NBPF11: variants seen among roughly 807,000 people sequenced by gnomAD.
NBPF11 encodes the protein NBPF member 11.
A neutral mutation model predicts 93.9 loss-of-function variants in NBPF11; 72 were observed. The observed-to-expected ratio is 0.77, with a 90% CI of 0.63 to 0.93. The LOEUF is 0.93. Ranked by LOEUF, NBPF11 falls within the 40% of genes least tolerant of loss-of-function variation. The probability of loss-of-function intolerance (pLI) is 0.00; values close to 1 mark genes in which losing one functional copy is unlikely to be tolerated. For missense variants in NBPF11, 705 were observed against 802.2 expected, an observed-to-expected ratio of 0.88 and a Z score of 1.46; for synonymous variants, 224 against 304.9, an observed-to-expected ratio of 0.73 and a Z score of 2.76.
Position 148,109,300 on chromosome 1 carries a change from C to T in NBPF11, c.1837G>A (p.Glu613Lys), listed in dbSNP as rs1164245502. 3.1e-6 allele frequency: 3 copies of T among 980,798 alleles called. No individual in the cohort carries two copies. In the African/African-American group the frequency reaches 4.9e-5, roughly 16 times the overall value. The allele number at this position is 980,798 out of a possible 1,614,324, so 60.8% of individuals were successfully genotyped here. A position where few individuals can be genotyped will look rare whatever the true frequency, so the allele number is the denominator to read the frequency against. ...CAGACTCACCTGGGACCTGTTGCCTCTTGGTCCTCCTTTTTCACTTGATCC... is the reference window on the plus strand; with the variant it reads ...CAGACTCACCTGGGACCTGTTGCCTTTTGGTCCTCCTTTTTCACTTGATCC... ...RWDQVKKEDQ[E>K]ATGPRLSREL... Residue 613 changes from glutamate (E) to lysine (K), a missense_variant, in exon 17 of 24, where the codon GAG becomes AAG. By Grantham distance (56) the Glu-to-Lys change is moderately conservative. Transcript: ENST00000682118.
intron 15 of NBPF11, among the ~76,000 whole-genome samples, chr1:148,112,163 T>A (rs1485624941): frequency 6.9e-6 from 1 of 145,136 alleles, no homozygotes; most frequent in Admixed American, 6.9e-5. Context: ...TATATATATA[T>A]ATTTTAATAC....
Position 148,110,425 on chromosome 1 carries a change from A to T in NBPF11, c.1754T>A (p.Phe585Tyr). ...LASYQSYSST[F>Y]HSLEEQQVCM... ...GACTTGCTGTTCCTCTAATGAGTGA[A>T]ATGTGCTGCTGTAAGACTGGTACGA... The change falls in exon 16 of 24, where the codon TTT (phenylalanine) becomes TAT (tyrosine). Residue 585 changes from phenylalanine (F) to tyrosine (Y), a missense_variant. Coordinates refer to ENST00000682118, the MANE Select transcript of NBPF11 (RefSeq NM_001385469.3). 1 of 1,593,408 alleles carries T rather than the reference A, an allele frequency of 6.3e-7. No homozygotes were observed. The highest frequency in any genetic ancestry group is 1.1e-5 in the South Asian group (1 of 90,610).
At position 148,121,492 on chromosome 1, in the gene NBPF11, C is replaced by T. The variant is rs200243109; in HGVS notation, c.778+563G>A. ...CCTCCTGAGTAGCTGGGACTACAGG[C>T]GCCCACCACCGCGCCCAGCTAATTT... On this transcript the variant is annotated intron_variant, in intron 9 of 23. Transcript: ENST00000682118. Among the ~76,000 whole-genome samples, 77 of 151,286 alleles carry T rather than the reference C, an allele frequency of 5.1e-4. No homozygotes were observed. The Middle Eastern group carries it at 0.01, about 20-fold the overall frequency.
chr1:148,103,749 C>A lies in NBPF11; in HGVS notation c.*147G>T, dbSNP rs1274382668. 10 of 1,611,650 alleles carry A rather than the reference C, an allele frequency of 6.2e-6. No individual in the cohort carries two copies. The highest frequency in any genetic ancestry group is 1.1e-5 in the South Asian group (1 of 90,986). ...AAAGTAAAAAACCTATTGTCCATGT[C>A]AAGGGCAAAGCTGATGTGCTGTTCC... On this transcript the variant is annotated 3_prime_UTR_variant, in exon 24 of 24. Coordinates refer to ENST00000682118, the MANE Select transcript of NBPF11 (RefSeq NM_001385469.3).
At chr1:148,114,988 A>G (rs2149206890) in intron 14 of NBPF11, among the ~76,000 whole-genome samples, 1 of 147,654 alleles carries the variant, frequency 6.8e-6, no homozygotes. Context: ...AATATGGGGA[A>G]ACCCTGTCTC....
intron 15 of NBPF11, among the ~76,000 whole-genome samples, chr1:148,112,013 T>C (rs1665400728): frequency 6.7e-6 from 1 of 148,402 alleles, no homozygotes; most frequent in Non-Finnish European, 1.5e-5. Context: ...AAAGGTCGGA[T>C]TACCCACAAA....
intron 2 of NBPF11, among the ~76,000 whole-genome samples, chr1:148,140,362 T>A (rs1204915403): frequency 4.0e-5 from 6 of 151,722 alleles, no homozygotes; most frequent in Non-Finnish European, 8.8e-5. Flanking sequence ...CTGGGTTCAA[T>A]GATGGCTTCT....
Position 148,122,117 on chromosome 1 carries a change from G to C in NBPF11, c.716C>G (p.Ser239Cys). Reference protein sequence around the residue: ...ITFEEDKVNSSLVVDRESSHD... With the variant: ...ITFEEDKVNSCLVVDRESSHD... ...AGAGGATTCTCTGTCTACAACCAGA[G>C]ATGAGTTGACTTTGTCTTCCTCAAA... Residue 239 changes from serine (S) to cysteine (C), a missense_variant, in exon 9 of 24, where the codon TCT becomes TGT. Ser to Cys is a moderately radical substitution (Grantham distance 112). Transcript: ENST00000682118. The C allele has an allele frequency of 6.2e-7, 1 of 1,613,510 alleles. No homozygotes were observed. The highest frequency in any genetic ancestry group is 8.5e-7 in the Non-Finnish European group (1 of 1,179,606).
In NBPF11 at chr1:148,145,815, G is replaced by T. The variant is rs1672904301; in HGVS notation, c.-548-2129C>A. Among the ~76,000 whole-genome samples, 2 of 151,114 alleles carry T rather than the reference G, an allele frequency of 1.3e-5. 1 individual carries two copies. The highest frequency in any genetic ancestry group is 1.3e-4 in the Admixed American group (2 of 15,226). Reference sequence around the variant, plus strand: ...CATCACCTGAGCCTTGGGAGGTCGAGGTTGCACTAAGCTGTGATTGTACCA... The same window carrying T: ...CATCACCTGAGCCTTGGGAGGTCGATGTTGCACTAAGCTGTGATTGTACCA... On this transcript the variant is annotated intron_variant, in intron 1 of 23. Transcript: ENST00000682118.
intron 2 of NBPF11, among the ~76,000 whole-genome samples, chr1:148,141,570 C>T (rs1427550486): frequency 1.3e-5 from 2 of 151,948 alleles, no homozygotes; most frequent in African/African-American, 4.9e-5. Flanking sequence ...AGTGCACCAA[C>T]CTGGAGTCAG....
At chr1:148,111,776 A>T (rs1179542257) in intron 15 of NBPF11, among the ~76,000 whole-genome samples, 18 of 151,756 alleles carry the variant, frequency 1.2e-4, no homozygotes, top group Admixed American at 1.0e-3. Context: ...TCTACGTTTG[A>T]TTGGTGTACT....
intron 17 of NBPF11, 61 bp from the exon 18 acceptor site, chr1:148,108,715 G>T (rs1433005458): frequency 5.1e-6 from 4 of 780,698 alleles, no homozygotes; most frequent in Non-Finnish European, 6.9e-6. Flanking sequence ...CACAGCCCCA[G>T]CTAGATTTCA....
At chr1:148,149,619 C>T in intron 1 of NBPF11, 1 of 1,520,600 alleles carries the variant, frequency 6.6e-7, no homozygotes, top group South Asian at 1.2e-5. Context: ...CGGACCTCAC[C>T]CCGCGCCGGC....
chr1:148,130,237 A>T (rs1402844486), intron 4 of NBPF11, among the ~76,000 whole-genome samples: 1 of 151,680 alleles, frequency 6.6e-6, no homozygotes, highest in Non-Finnish European at 1.5e-5. Flanking sequence ...TACTGTTTTT[A>T]AATTACTGTA....
chr1:148,124,335 C>T (rs1435546958), intron 6 of NBPF11, among the ~76,000 whole-genome samples: 4 of 151,400 alleles, frequency 2.6e-5, no homozygotes, highest in African/African-American at 4.9e-5. Flanking sequence ...TTCCTAATTC[C>T]GTTTCAAAAA....
intron 1 of NBPF11, chr1:148,149,068 G>A: frequency 9.4e-7 from 1 of 1,065,448 alleles, no homozygotes; most frequent in Non-Finnish European, 1.3e-6. Flanking sequence ...GAGACTGGAG[G>A]GTCGCATCCG....
chr1:148,120,276 A>C (rs1169889257), intron 10 of NBPF11, among the ~76,000 whole-genome samples: 1 of 152,104 alleles, frequency 6.6e-6, no homozygotes, highest in Non-Finnish European at 1.5e-5. Flanking sequence ...AATAAATGGC[A>C]GTTTAACTCT....
chr1:148,105,326 T>C, intron 22 of NBPF11, 34 bp downstream of exon 22: 3 of 751,988 alleles, frequency 4.0e-6, no homozygotes, highest in Non-Finnish European at 7.3e-6. Context: ...GAAGACTCAG[T>C]GGATCCTTAT....
chr1:148,124,542 GCAGT>G (rs1425917502), intron 6 of NBPF11, among the ~76,000 whole-genome samples: 2 of 151,312 alleles, frequency 1.3e-5, no homozygotes, highest in East Asian at 1.9e-4. Context: ...ATGAGAAGAC[GCAGT>G]CAGTCAGGAG....
Sources: gnomAD v4.1 joint callset for allele counts (sites outside exome capture counted in the v4.1 genomes callset) on GRCh38, gnomAD v4.1.1 for gene constraint, MANE v1.5 for transcripts, NCBI Gene and HGNC (gene_info 2026-07-23, HGNC 2026-07-21) for gene names.